CLEC9A: variants seen among roughly 807,000 people sequenced by gnomAD.
CLEC9A encodes the protein C-type lectin domain containing 9A.
CLEC9A carries 24 observed loss-of-function variants against 30.0 expected under a neutral mutation model. The observed-to-expected ratio is 0.80, with a 90% CI of 0.58 to 1.13. CLEC9A has a LOEUF of 1.13. Ranked by LOEUF, CLEC9A falls within the 50% of genes most tolerant of loss-of-function variation. The pLI, the probability that CLEC9A is intolerant of heterozygous loss-of-function variation, is 0.00. For synonymous variants in CLEC9A, 111 were observed against 96.8 expected (o/e 1.15, Z -0.86); for missense variants, 251 against 280.9 (o/e 0.89, Z 0.76).
chr12:10,044,731 C>A (rs565166172), intron 2 of CLEC9A, among the ~76,000 whole-genome samples: 1 of 152,270 alleles, frequency 6.6e-6, no homozygotes, highest in South Asian at 2.1e-4. Flanking sequence ...TGTAACTTTA[C>A]CACTGTCAGA....
At chr12:10,034,389 C>G (rs1865726384) in intron 1 of CLEC9A, among the ~76,000 whole-genome samples, 1 of 152,346 alleles carries the variant, frequency 6.6e-6, no homozygotes, top group South Asian at 2.1e-4. Flanking sequence ...ATGAGCCCAA[C>G]CAGGGTCTGC....
intron 1 of CLEC9A, among the ~76,000 whole-genome samples, chr12:10,035,523 A>T (rs74061469): frequency 0.019 from 2,850 of 152,360 alleles, 90 homozygotes; most frequent in African/African-American, 0.065. Context: ...ATTCAAATAT[A>T]CTTGATCAGA....
chr12:10,052,527 T>C, intron 3 of CLEC9A, 103 bp from the exon 4 acceptor site: 1 of 1,308,842 alleles, frequency 7.6e-7, no homozygotes. Flanking sequence ...ACTTTCTGAA[T>C]GAAGGTGCAT....
intron 5 of CLEC9A, among the ~76,000 whole-genome samples, chr12:10,056,472 C>T (rs539651050): frequency 6.6e-6 from 1 of 152,294 alleles, no homozygotes; most frequent in African/African-American, 2.4e-5. Flanking sequence ...GTACCCCAAA[C>T]ATCAGCATCA....
Position 10,061,280 on chromosome 12 carries a change from G to A in CLEC9A, c.319+7G>A, listed in dbSNP as rs200145344. ...CAAAACTCATTAAGTTCAGGTAATG[G>A]ATAAAAATCAGTTTCCACTGTATAC... On this transcript the variant is annotated splice_region_variant and intron_variant, in intron 6 of 8. Transcript: ENST00000355819. 3.4e-5 allele frequency: 54 copies of A among 1,602,628 alleles called. No individual in the cohort carries two copies. Among genetic ancestry groups the A allele is most frequent in the Non-Finnish European group, 1.7e-6 (2 of 1,176,366 alleles).
At chr12:10,042,440 A>G (rs569039269) in intron 2 of CLEC9A, among the ~76,000 whole-genome samples, 25 of 152,356 alleles carry the variant, frequency 1.6e-4, no homozygotes, top group African/African-American at 5.8e-4. Flanking sequence ...GTGAGAGTAT[A>G]TAAACATTTG....
At chr12:10,057,334 T>C (rs909581135) in intron 5 of CLEC9A, among the ~76,000 whole-genome samples, 1 of 151,896 alleles carries the variant, frequency 6.6e-6, no homozygotes, top group Non-Finnish European at 1.5e-5. Flanking sequence ...CATATTTAAA[T>C]TATATACATA....
chr12:10,034,751 T>C (rs1037579650), intron 1 of CLEC9A, among the ~76,000 whole-genome samples: 8 of 152,220 alleles, frequency 5.3e-5, no homozygotes, highest in African/African-American at 1.4e-4. Context: ...AGGGGCAGGC[T>C]GTGGGGCTCC....
intron 3 of CLEC9A, 149 bp from the exon 4 acceptor site, chr12:10,052,481 C>T (rs2137307660): frequency 1.6e-6 from 2 of 1,244,284 alleles, no homozygotes; most frequent in Middle Eastern, 2.4e-4. Flanking sequence ...TCCTTTTTCA[C>T]CAAGTTGTGT....
rs887705521 is a variant in CLEC9A at position 10,061,019 on chromosome 12, C to A, written c.173-108C>A. On this transcript the variant is annotated intron_variant, in intron 5 of 8. Coordinates refer to ENST00000355819, the MANE Select transcript of CLEC9A (RefSeq NM_207345.4). The stretch of plus-strand genomic sequence containing the variant: ...GCAAAAACCTAAAATAATACAAATT[C>A]AAGTCTCAAAAATAATAGTAATTTG... The A allele has an allele frequency of 4.7e-6, 6 of 1,290,090 alleles. No homozygotes were observed. The African/African-American group carries it at 7.8e-5, about 17-fold the overall frequency. 79.9% of individuals were successfully genotyped at this position (1,290,090 alleles called of 1,614,324 possible). A position where few individuals can be genotyped will look rare whatever the true frequency, so the allele number is the denominator to read the frequency against.
chr12:10,059,305 G>A (rs1036488678), intron 5 of CLEC9A, among the ~76,000 whole-genome samples: 5 of 152,080 alleles, frequency 3.3e-5, no homozygotes, highest in Non-Finnish European at 5.9e-5. Flanking sequence ...ATTGAAAGAA[G>A]GAGGATAGCC....
intron 5 of CLEC9A, 90 bp downstream of exon 5, chr12:10,054,441 G>C: frequency 2.2e-5 from 18 of 820,344 alleles, no homozygotes; most frequent in Middle Eastern, 3.3e-4. Flanking sequence ...ATTCATATGT[G>C]AATGCACATA....
intron 5 of CLEC9A, among the ~76,000 whole-genome samples, chr12:10,058,797 A>T (rs1459228223): frequency 6.6e-6 from 1 of 152,106 alleles, no homozygotes; most frequent in Non-Finnish European, 1.5e-5. Flanking sequence ...CACCCCCCTC[A>T]GCCTCCCAAA....
chr12:10,038,659 TAGAC>T (rs1235784493), intron 1 of CLEC9A, among the ~76,000 whole-genome samples: 7 of 152,194 alleles, frequency 4.6e-5, no homozygotes, highest in African/African-American at 1.4e-4. Context: ...AATGGCAAAA[TAGAC>T]AGCATCCTCC....
intron 5 of CLEC9A, 139 bp downstream of exon 5, chr12:10,054,490 A>G: frequency 1.6e-6 from 1 of 610,176 alleles, no homozygotes; most frequent in Non-Finnish European, 2.8e-6. Flanking sequence ...CAATCATTTG[A>G]TAGAACTCTC....
chr12:10,057,136 C>A (rs1865950530), intron 5 of CLEC9A, among the ~76,000 whole-genome samples: 1 of 152,004 alleles, frequency 6.6e-6, no homozygotes, highest in South Asian at 2.1e-4. Flanking sequence ...TCATGTGAAA[C>A]ATTCTGTTCA....
rs751076876 is a variant in CLEC9A at position 10,065,597 on chromosome 12, A to C, written c.691A>C (p.Ile231Leu). 4.3e-6 allele frequency: 7 copies of C among 1,613,752 alleles called. No homozygotes were observed. The highest frequency in any genetic ancestry group is 5.9e-6 in the Non-Finnish European group (7 of 1,179,832). Reference protein sequence around the residue: ...SSNCSTWKYFICEKYALRSSV With the variant: ...SSNCSTWKYFLCEKYALRSSV ...TAACTGCAGCACGTGGAAGTATTTT[A>C]TCTGTGAGAAGTATGCGTTGAGATC... is the stretch of plus-strand genomic sequence containing the variant. Residue 231 changes from isoleucine (I) to leucine (L), a missense_variant, in exon 9 of 9, where the codon ATC (isoleucine) becomes CTC (leucine). Transcript: ENST00000355819.
rs1207293045 is a variant in CLEC9A at position 10,052,056 on chromosome 12, T to C, written c.-97T>C. On this transcript the variant is annotated 5_prime_UTR_variant, in exon 3 of 9. An upstream start codon of the reference 5' UTR is lost. Transcript: ENST00000355819. ...GAATCCCAAGTCTCATTTGGAGGAA[T>C]GCTATCACTAACTAGGATTCCTGGA... is the stretch of plus-strand genomic sequence containing the variant. 6.6e-6 allele frequency: 1 copy of C among 152,250 alleles called. No individual in the cohort carries two copies. The highest frequency in any genetic ancestry group is 1.5e-5 in the Non-Finnish European group (1 of 68,048). 9.4% of individuals were successfully genotyped at this position (152,250 alleles called of 1,614,324 possible). A position where few individuals can be genotyped will look rare whatever the true frequency, so the allele number is the denominator to read the frequency against.
rs114673071 is a variant in CLEC9A, at chr12:10,047,904, G to A, written c.-162-4087G>A. Among the ~76,000 whole-genome samples the A allele has an allele frequency of 4.9e-3, 746 of 152,286 alleles. 8 individuals carry two copies. The highest frequency in any genetic ancestry group is 0.017 in the African/African-American group (704 of 41,554). ...CTGATCAGAGTGGTGGTTGCTGAAG[G>A]ATGGGGTAGATGCAGATGCGGCTAT... On this transcript the variant is annotated intron_variant, in intron 2 of 8. Coordinates refer to ENST00000355819, the MANE Select transcript of CLEC9A (RefSeq NM_207345.4).
Sources: gnomAD v4.1 joint callset for allele counts (sites outside exome capture counted in the v4.1 genomes callset) on GRCh38, gnomAD v4.1.1 for gene constraint, MANE v1.5 for transcripts, NCBI Gene and HGNC (gene_info 2026-07-23, HGNC 2026-07-21) for gene names.